The following RYR3 variants were observed in gnomAD, a reference collection of about 807,000 sequenced individuals.
The protein encoded by RYR3 is ryanodine receptor 3, also known as brain ryanodine receptor-calcium release channel.
A neutral mutation model predicts 584.3 loss-of-function variants in RYR3; 207 were observed. The ratio of observed to expected loss-of-function variants is 0.35; its 90% CI spans 0.32 to 0.40. The LOEUF is 0.40. RYR3 is among the 10% of genes least tolerant of loss of function. The pLI is 1.00. For synonymous variants in RYR3, 2,416 were observed against 2,248.5 expected (o/e 1.07, Z -2.11); for missense variants, 5,616 against 6,089.2 (o/e 0.92, Z 2.59).
chr15:33,681,057 G>C (rs527475702), intron 38 of RYR3, among the ~76,000 whole-genome samples: 1 of 152,174 alleles, frequency 6.6e-6, no homozygotes, highest in African/African-American at 2.4e-5. Flanking sequence ...CAAGAGCTCT[G>C]AGCCAGATTC....
intron 60 of RYR3, among the ~76,000 whole-genome samples, chr15:33,758,418 C>T (rs1241067319): frequency 2.6e-5 from 4 of 152,158 alleles, no homozygotes; most frequent in Non-Finnish European, 5.9e-5. Flanking sequence ...GCCAGCCCAA[C>T]GGTCTGAAGT....
chr15:33,452,574 C>G (rs1453162697), intron 1 of RYR3, among the ~76,000 whole-genome samples: 1 of 152,148 alleles, frequency 6.6e-6, no homozygotes, highest in Non-Finnish European at 1.5e-5. Context: ...ATGCCAATAT[C>G]TACTGAGTAC....
intron 62 of RYR3, 54 bp downstream of exon 62, chr15:33,769,226 C>T: frequency 8.1e-7 from 1 of 1,235,400 alleles, no homozygotes; most frequent in Non-Finnish European, 1.2e-6. Context: ...CTCTGACCCT[C>T]TCATCTCACT....
intron 10 of RYR3, among the ~76,000 whole-genome samples, chr15:33,562,334 C>A (rs1467812542): frequency 6.6e-6 from 1 of 152,162 alleles, no homozygotes; most frequent in Non-Finnish European, 1.5e-5. Context: ...TTAACCCCTG[C>A]GTATTCAAAG....
chr15:33,623,291 G>T (rs951197846), intron 19 of RYR3, among the ~76,000 whole-genome samples: 2 of 152,176 alleles, frequency 1.3e-5, no homozygotes, highest in Non-Finnish European at 2.9e-5. Context: ...TGTACCATTT[G>T]TGATTAATAC....
At chr15:33,508,762 ATTAC>A (rs1255796222) in intron 3 of RYR3, among the ~76,000 whole-genome samples, 1 of 152,194 alleles carries the variant, frequency 6.6e-6, no homozygotes, top group Non-Finnish European at 1.5e-5. Context: ...ATCTCCCCGT[ATTAC>A]TTGTGTGATT....
intron 38 of RYR3, among the ~76,000 whole-genome samples, chr15:33,695,779 A>T (rs2065801546): frequency 6.6e-6 from 1 of 151,508 alleles, no homozygotes; most frequent in African/African-American, 2.4e-5. Context: ...CACCCTTAAA[A>T]TACAAAAAAA....
intron 1 of RYR3, among the ~76,000 whole-genome samples, chr15:33,324,215 A>T (rs1285135218): frequency 6.6e-6 from 1 of 152,200 alleles, no homozygotes; most frequent in African/African-American, 2.4e-5. Flanking sequence ...GGATTATGAC[A>T]TTCTCTATGG....
At chr15:33,726,328 G>C (rs1380242807) in intron 45 of RYR3, 58 bp from the exon 46 acceptor site, 1 of 1,600,292 alleles carries the variant, frequency 6.2e-7, no homozygotes, top group South Asian at 1.1e-5. Flanking sequence ...TGGAGGTGGG[G>C]TGGAGGGAGG....
chr15:33,519,237 ATCTACAG>A, intron 3 of RYR3, among the ~76,000 whole-genome samples: 1 of 152,324 alleles, frequency 6.6e-6, no homozygotes, highest in East Asian at 1.9e-4. Context: ...TGAGAAGCTT[ATCTACAG>A]TCTTCACCAC....
At position 33,662,738 on chromosome 15, in the gene RYR3, C is replaced by T. The variant is rs773152352; in HGVS notation, c.5208C>T (p.Gly1736=). 26 of 1,613,934 alleles carry T rather than the reference C, an allele frequency of 1.6e-5. No individual in the cohort carries two copies. In the East Asian group the frequency reaches 1.8e-4, roughly 11 times the overall value. Residue 1736 remains glycine, a synonymous_variant, in exon 35 of 104, where the codon GGC becomes GGT. Coordinates refer to ENST00000634891, the MANE Select transcript of RYR3 (RefSeq NM_001036.6). ...TCATTGGAACCCTGCTGGTCATGGG[C>T]GTGTTTGATGATGATGATGTTCGGC... The part of the protein sequence containing the change: ...LKLIGTLLVM[G]VFDDDDVRQI...
intron 36 of RYR3, among the ~76,000 whole-genome samples, chr15:33,664,521 T>A (rs1369175576): frequency 2.7e-5 from 4 of 150,362 alleles, no homozygotes; most frequent in Non-Finnish European, 5.9e-5. Context: ...GAAGTAGTTT[T>A]TGTTTTGAAA....
chr15:33,676,991 G>A (rs908734356), intron 38 of RYR3, among the ~76,000 whole-genome samples: 3 of 152,168 alleles, frequency 2.0e-5, no homozygotes, highest in Admixed American at 6.5e-5. Flanking sequence ...CCGGTACTGC[G>A]CTTGGCACTT....
chr15:33,486,807 T>C (rs1047860503), intron 2 of RYR3, among the ~76,000 whole-genome samples: 4 of 152,254 alleles, frequency 2.6e-5, no homozygotes, highest in Admixed American at 6.5e-5. Context: ...ATGAGTATCC[T>C]GTGATTAGGA....
intron 1 of RYR3, among the ~76,000 whole-genome samples, chr15:33,372,120 C>G (rs1312600648): frequency 6.6e-6 from 1 of 152,142 alleles, no homozygotes; most frequent in Non-Finnish European, 1.5e-5. Flanking sequence ...CTTCACAGCA[C>G]TGCTGTGAAG....
At chr15:33,647,548 A>G in intron 30 of RYR3, 88 bp downstream of exon 30, 3 of 941,374 alleles carry the variant, frequency 3.2e-6, no homozygotes, top group Non-Finnish European at 5.1e-6. Flanking sequence ...ATCCGTCTAG[A>G]GATCCTCTTT....
chr15:33,326,935 A>G (rs1431959644), intron 1 of RYR3, among the ~76,000 whole-genome samples: 2 of 151,902 alleles, frequency 1.3e-5, no homozygotes, highest in Non-Finnish European at 2.9e-5. Flanking sequence ...TTATTGTTAT[A>G]TGTCTGATAC....
rs150481107 is a variant in RYR3 at position 33,320,534 on chromosome 15, A to C, written c.51+9438A>C. ...CAGGGTCAAGAGGGAGCTCAGACTT[A>C]CTTTGAGGTAGCAAGGATATCAGTC... On this transcript the variant is annotated intron_variant, in intron 1 of 103. Coordinates refer to ENST00000634891, the MANE Select transcript of RYR3 (RefSeq NM_001036.6). Among the ~76,000 whole-genome samples the C allele has an allele frequency of 2.8e-3, 424 of 152,326 alleles. 4 individuals are homozygous for C. The highest frequency in any genetic ancestry group is 9.9e-3 in the African/African-American group (410 of 41,556).
chr15:33,415,912 T>C (rs1175705209), intron 1 of RYR3, among the ~76,000 whole-genome samples: 2 of 152,182 alleles, frequency 1.3e-5, no homozygotes, highest in Admixed American at 6.5e-5. Flanking sequence ...TTCCCATCTT[T>C]GCGTGTAGCC....
Sources: gnomAD v4.1 joint callset for allele counts (sites outside exome capture counted in the v4.1 genomes callset) on GRCh38, gnomAD v4.1.1 for gene constraint, MANE v1.5 for transcripts, NCBI Gene and HGNC (gene_info 2026-07-23, HGNC 2026-07-21) for gene names.